Variants in FAF1 observed in about 807,000 individuals in gnomAD.
FAF1 encodes the protein FAS-associated factor 1.
FAF1 carries 25 observed loss-of-function variants against 92.5 expected under a neutral mutation model. The observed-to-expected ratio is 0.27, with a 90% CI of 0.20 to 0.38. The LOEUF is 0.38. Ranked by LOEUF, FAF1 falls within the 10% of genes least tolerant of loss-of-function variation. The pLI is 1.00. For missense variants in FAF1, 636 were observed against 793.3 expected, an observed-to-expected ratio of 0.80 and a Z score of 2.38; for synonymous variants, 234 against 273.2, an observed-to-expected ratio of 0.86 and a Z score of 1.42.
intron 1 of FAF1, among the ~76,000 whole-genome samples, chr1:50,896,678 T>G (rs1327337257): frequency 6.6e-6 from 1 of 152,136 alleles, no homozygotes; most frequent in Non-Finnish European, 1.5e-5. Context: ...AATAAGCCAG[T>G]TACAAAAAGG....
intron 2 of FAF1, among the ~76,000 whole-genome samples, chr1:50,856,879 AATG>A (rs1328392370): frequency 6.6e-6 from 1 of 151,822 alleles, no homozygotes; most frequent in Non-Finnish European, 1.5e-5. Context: ...CATTAAAAAG[AATG>A]ATGAACAGCC....
rs765497598 is a variant in FAF1, at chr1:50,613,953, C to T, written c.745-17737G>A. On this transcript the variant is annotated intron_variant, in intron 8 of 18. Coordinates refer to ENST00000396153, the MANE Select transcript of FAF1 (RefSeq NM_007051.3). ...CTATACTAAAAATACAAAAATTATC[C>T]GGGCGTGGTGGCACGTGCCTGTAAT... 4.0e-5 allele frequency among the ~76,000 whole-genome samples: 6 copies of T among 151,856 alleles called. No individual in the cohort carries two copies. In the South Asian group the frequency reaches 6.2e-4, roughly 16 times the overall value.
intron 7 of FAF1, among the ~76,000 whole-genome samples, chr1:50,699,466 CA>C (rs1373606619): frequency 2.6e-5 from 4 of 152,052 alleles, no homozygotes; most frequent in Non-Finnish European, 5.9e-5. Flanking sequence ...CTGCAATTCA[CA>C]CTTAATGTAC....
chr1:50,809,617 C>T (rs1462911441), intron 2 of FAF1, among the ~76,000 whole-genome samples: 3 of 152,094 alleles, frequency 2.0e-5, no homozygotes, highest in Non-Finnish European at 4.4e-5. Context: ...AATTGAATGA[C>T]TAATAATAAG....
intron 2 of FAF1, among the ~76,000 whole-genome samples, chr1:50,812,464 T>A (rs909015396): frequency 6.6e-6 from 1 of 152,072 alleles, no homozygotes; most frequent in Non-Finnish European, 1.5e-5. Context: ...CCAGAAAGCA[T>A]ACGAAAAAAT....
chr1:50,906,379 T>A (rs560194093), intron 1 of FAF1, among the ~76,000 whole-genome samples: 45 of 152,362 alleles, frequency 3.0e-4, no homozygotes, highest in African/African-American at 1.0e-3. Flanking sequence ...TTTGGTTCCA[T>A]ATGAACTTTA....
chr1:50,852,720 T>C lies in FAF1; in HGVS notation c.114+5209A>G, dbSNP rs370859036. The stretch of plus-strand genomic sequence containing the variant: ...AGCTTGGACAGTTTACTTAACTTCA[T>C]TAGCCCTCAGTTTCTCATCTATATA... On this transcript the variant is annotated intron_variant, in intron 2 of 18. Transcript: ENST00000396153. 6.6e-4 allele frequency among the ~76,000 whole-genome samples: 100 copies of C among 152,310 alleles called. 4 individuals are homozygous for C. The South Asian group carries it at 0.021, about 31-fold the overall frequency.
At chr1:50,748,298 C>A (rs1234412534) in intron 4 of FAF1, among the ~76,000 whole-genome samples, 1 of 151,894 alleles carries the variant, frequency 6.6e-6, no homozygotes. Flanking sequence ...GAGTTCGAGA[C>A]CAGCCTGCCC....
intron 1 of FAF1, among the ~76,000 whole-genome samples, chr1:50,908,445 T>C (rs1460274763): frequency 6.6e-6 from 1 of 152,212 alleles, no homozygotes; most frequent in Middle Eastern, 3.2e-3. Flanking sequence ...TTCTGTCTCA[T>C]TGATCTGTCT....
At chr1:50,572,848 G>A (rs1572842402) in intron 12 of FAF1, among the ~76,000 whole-genome samples, 1 of 152,274 alleles carries the variant, frequency 6.6e-6, no homozygotes, top group East Asian at 1.9e-4. Flanking sequence ...GCTTCTTTAT[G>A]AAGATGATAC....
At chr1:50,896,654 A>G (rs750034022) in intron 1 of FAF1, among the ~76,000 whole-genome samples, 5 of 152,234 alleles carry the variant, frequency 3.3e-5, no homozygotes, top group Admixed American at 2.6e-4. Context: ...CTTTAAGGAC[A>G]TTATGCTAAA....
intron 15 of FAF1, among the ~76,000 whole-genome samples, chr1:50,529,377 ACAATCAATG>A (rs1197502788): frequency 5.3e-5 from 8 of 152,238 alleles, no homozygotes; most frequent in Non-Finnish European, 1.2e-4. Flanking sequence ...CCAAGACAAA[ACAATCAATG>A]CAATCAATCC....
intron 7 of FAF1, among the ~76,000 whole-genome samples, chr1:50,666,746 G>A (rs1655652455): frequency 6.6e-6 from 1 of 152,098 alleles, no homozygotes; most frequent in Admixed American, 6.6e-5. Flanking sequence ...AGCCAGGCAT[G>A]GTGGCACACA....
intron 3 of FAF1, among the ~76,000 whole-genome samples, chr1:50,791,886 C>T (rs910362002): frequency 4.6e-5 from 7 of 152,110 alleles, no homozygotes; most frequent in African/African-American, 1.7e-4. Context: ...GAAGAGTTCC[C>T]AGGAAACATA....
intron 18 of FAF1, chr1:50,470,841 T>C (rs535299080): frequency 6.6e-6 from 1 of 152,356 alleles, no homozygotes; most frequent in South Asian, 2.1e-4. Context: ...TACTTCTGAC[T>C]TTGCTATTCT....
intron 8 of FAF1, among the ~76,000 whole-genome samples, chr1:50,639,780 A>T (rs1039957774): frequency 6.6e-6 from 1 of 151,964 alleles, no homozygotes; most frequent in African/African-American, 2.4e-5. Flanking sequence ...CTAAAAATAC[A>T]AAAATTAGCC....
Position 50,797,497 on chromosome 1 carries a change from C to G in FAF1, c.161+4134G>C, listed in dbSNP as rs541472395. 7.9e-5 allele frequency among the ~76,000 whole-genome samples: 12 copies of G among 152,130 alleles called. No homozygotes were observed. In the South Asian group the frequency reaches 2.5e-3, roughly 32 times the overall value. The stretch of plus-strand genomic sequence containing the variant: ...GGGAGGATGGCTTGAACCCAGTAGT[C>G]TAGAACTCCTGGGCAACATCATGAG... On this transcript the variant is annotated intron_variant, in intron 3 of 18. Transcript: ENST00000396153.
intron 4 of FAF1, among the ~76,000 whole-genome samples, chr1:50,774,892 T>G (rs969526370): frequency 3.3e-5 from 5 of 152,116 alleles, no homozygotes; most frequent in Non-Finnish European, 7.4e-5. Flanking sequence ...CAGAAGGTTT[T>G]GGGTATTGAA....
intron 7 of FAF1, among the ~76,000 whole-genome samples, chr1:50,700,857 G>C (rs1398100369): frequency 6.6e-6 from 1 of 152,072 alleles, no homozygotes; most frequent in Non-Finnish European, 1.5e-5. Context: ...TAGTTCCAGA[G>C]AGGGGAAAAG....
Sources: gnomAD v4.1 joint callset for allele counts (sites outside exome capture counted in the v4.1 genomes callset) on GRCh38, gnomAD v4.1.1 for gene constraint, MANE v1.5 for transcripts, NCBI Gene and HGNC (gene_info 2026-07-23, HGNC 2026-07-21) for gene names.